Variants in TANK observed in about 807,000 individuals in gnomAD.
TANK encodes TRAF family member associated NFKB activator, also known as TRAF family member-associated NF-kappa-B activator.
A neutral mutation model predicts 43.6 loss-of-function variants in TANK; 15 were observed. The ratio of observed to expected loss-of-function variants is 0.34; its 90% CI spans 0.23 to 0.53. The LOEUF is 0.53. TANK is among the 20% of genes least tolerant of loss of function. The pLI is 0.94. For missense variants in TANK, 417 were observed against 498.6 expected (o/e 0.84, Z 1.56); for synonymous variants, 162 against 178.2 (o/e 0.91, Z 0.73).
At chr2:161,172,355 C>CTTTTCTTT (rs1553485179) in intron 1 of TANK, among the ~76,000 whole-genome samples, 15 of 89,252 alleles carry the variant, frequency 1.7e-4, no homozygotes, top group African/African-American at 7.4e-4. Context: ...TTTTTTTCGG[C>CTTTTCTTT]TTTTTTTTTT....
chr2:161,225,935 C>T (rs779029227), intron 6 of TANK, among the ~76,000 whole-genome samples: 8 of 152,110 alleles, frequency 5.3e-5, no homozygotes, highest in African/African-American at 2.4e-5. Context: ...CCTTCCCCCA[C>T]CTCCCCAAAA....
At chr2:161,205,032 C>T in intron 4 of TANK, 1 of 1,166,218 alleles carries the variant, frequency 8.6e-7, no homozygotes, top group Non-Finnish European at 1.1e-6. Flanking sequence ...AAACATTTAA[C>T]AAAGAAATAG....
At chr2:161,139,660 CTT>C in intron 1 of TANK, 2 of 983,656 alleles carry the variant, frequency 2.0e-6, no homozygotes, top group Non-Finnish European at 2.4e-6. Flanking sequence ...CACGTTTCCT[CTT>C]TTTCTCTCCA....
chr2:161,156,583 C>T (rs959594933), upstream of TANK, among the ~76,000 whole-genome samples: 15 of 152,200 alleles, frequency 9.9e-5, no homozygotes, highest in African/African-American at 3.4e-4. Context: ...TTGAATTACT[C>T]GTTCCAAGCC....
At chr2:161,167,604 A>G (rs1020486131) in intron 1 of TANK, among the ~76,000 whole-genome samples, 4 of 151,986 alleles carry the variant, frequency 2.6e-5, no homozygotes, top group African/African-American at 9.7e-5. Flanking sequence ...TGTTGCAACC[A>G]GGTTTTTGTT....
chr2:161,160,337 T>C (rs1209051170), upstream of TANK: 4 of 942,432 alleles, frequency 4.2e-6, no homozygotes, highest in Non-Finnish European at 5.5e-6. Flanking sequence ...GGAAGGGCCC[T>C]GGCCTTGTTG....
rs780705881 is a variant in TANK at position 161,231,232 on chromosome 2, C to T, written c.782C>T (p.Ser261Phe). The change falls in exon 7 of 8, where the codon TCT becomes TTT. Residue 261 changes from serine to phenylalanine, a missense_variant. Transcript: ENST00000392749. ...ERPGILSPAT[S>F]EAVCQEKFNM... The stretch of plus-strand genomic sequence containing the variant: ...CCCGGCATCCTTAGTCCTGCCACGT[C>T]TGAGGCAGTGTGCCAAGAGAAATTT... 1 of 1,614,020 alleles carries T rather than the reference C, an allele frequency of 6.2e-7. No homozygotes were observed. The highest frequency in any genetic ancestry group is 8.5e-7 in the Non-Finnish European group (1 of 1,180,030).
At chr2:161,199,296 A>G (rs1452899022) in intron 2 of TANK, among the ~76,000 whole-genome samples, 2 of 151,438 alleles carry the variant, frequency 1.3e-5, no homozygotes, top group African/African-American at 4.9e-5. Context: ...TTAATAAATC[A>G]TTGGAGGAAA....
Position 161,150,710 on chromosome 2 carries a change from C to A in TANK, c.-50+13647C>A, listed in dbSNP as rs1558959934. Reference sequence around the variant, plus strand: ...CAAGCGATTCTCCTGCCTCAGCCTCCCAAATAGCCGGGATTACAGGCACAC... The same window carrying A: ...CAAGCGATTCTCCTGCCTCAGCCTCACAAATAGCCGGGATTACAGGCACAC... On this transcript the variant is annotated intron_variant, in intron 1 of 7. Transcript: ENST00000259075. Among the ~76,000 whole-genome samples the A allele has an allele frequency of 5.9e-5, 9 of 151,372 alleles. No homozygotes were observed. In the South Asian group the frequency reaches 1.9e-3, roughly 32 times the overall value.
intron 7 of TANK, chr2:161,232,897 G>T: frequency 6.7e-7 from 1 of 1,503,536 alleles, no homozygotes; most frequent in Non-Finnish European, 8.9e-7. Flanking sequence ...TGGGGCATAA[G>T]GTTAGATAAT....
At chr2:161,234,160 C>T (rs1688059685) in intron 7 of TANK, among the ~76,000 whole-genome samples, 1 of 152,110 alleles carries the variant, frequency 6.6e-6, no homozygotes, top group Non-Finnish European at 1.5e-5. Flanking sequence ...CATAAGAAGA[C>T]AGTGATGTCG....
intron 1 of TANK, among the ~76,000 whole-genome samples, chr2:161,144,621 T>C (rs1683851298): frequency 6.6e-6 from 1 of 152,208 alleles, no homozygotes; most frequent in Admixed American, 6.5e-5. Flanking sequence ...TTGAGTGAGT[T>C]TCTTAATCCT....
At position 161,175,839 on chromosome 2, in the gene TANK, AT is replaced by A. The variant is rs528667102; in HGVS notation, c.-49-3773del. 9.2e-5 allele frequency among the ~76,000 whole-genome samples: 14 copies of A among 152,220 alleles called. No individual in the cohort carries two copies. In the South Asian group the frequency reaches 2.9e-3, roughly 32 times the overall value. ...GTAGGAAAAAAGGAATTACTGCTAGATTGACAACAGTGGGTAGATGAGAGTA... is the reference window on the plus strand; with the variant it reads ...GTAGGAAAAAAGGAATTACTGCTAGATGACAACAGTGGGTAGATGAGAGTA... On this transcript the variant is annotated intron_variant, in intron 1 of 7. Transcript: ENST00000392749.
chr2:161,148,128 T>A (rs1573944556), intron 1 of TANK, among the ~76,000 whole-genome samples: 1 of 152,230 alleles, frequency 6.6e-6, no homozygotes, highest in African/African-American at 2.4e-5. Flanking sequence ...TGAACTATTT[T>A]ACACTCCAAC....
At position 161,235,494 on chromosome 2, in the gene TANK, T is replaced by C. The variant is rs1688136878; in HGVS notation, c.1254T>C (p.Asn418=). 4 of 1,613,614 alleles carry C rather than the reference T, an allele frequency of 2.5e-6. No homozygotes were observed. The highest frequency in any genetic ancestry group is 3.4e-6 in the Non-Finnish European group (4 of 1,179,860). Residue 418 remains asparagine (N), a synonymous_variant, in exon 8 of 8, where the codon AAT becomes AAC. Coordinates refer to ENST00000392749, the MANE Select transcript of TANK (RefSeq NM_001199135.3). ...GGGGGGATTTCCTTCGGCATCTTAA[T>C]TCACACTTCAATGGAGAGACTTAAG... The part of the protein sequence containing the change: ...TSRGDFLRHL[N]SHFNGET
chr2:161,207,637 C>T (rs1316419448), intron 4 of TANK: 20 of 985,244 alleles, frequency 2.0e-5, no homozygotes, highest in Non-Finnish European at 2.4e-5. Flanking sequence ...AGAAAAAATA[C>T]TGGCCCATCA....
At chr2:161,186,138 G>A (rs1394894709) in intron 2 of TANK, among the ~76,000 whole-genome samples, 1 of 152,114 alleles carries the variant, frequency 6.6e-6, no homozygotes, top group Non-Finnish European at 1.5e-5. Context: ...GCAGTGAGCT[G>A]AGATCACACA....
At chr2:161,167,159 C>T (rs1401161060) in intron 1 of TANK, among the ~76,000 whole-genome samples, 1 of 152,208 alleles carries the variant, frequency 6.6e-6, no homozygotes, top group Non-Finnish European at 1.5e-5. Context: ...CAACCACCTA[C>T]AAAAAAGTAG....
chr2:161,152,723 G>C (rs566660038), intron 1 of TANK, among the ~76,000 whole-genome samples: 14 of 152,218 alleles, frequency 9.2e-5, no homozygotes, highest in South Asian at 2.1e-4. Flanking sequence ...ACATGCATTT[G>C]ATTTTTAATT....
Sources: allele counts gnomAD v4.1 joint callset (sites outside exome capture counted in the v4.1 genomes callset), GRCh38; gene constraint gnomAD v4.1.1; transcripts MANE v1.5; gene names NCBI Gene and HGNC (gene_info 2026-07-23, HGNC 2026-07-21).